The following LINGO2 variants were observed in gnomAD, a reference collection of about 807,000 sequenced individuals.
LINGO2 encodes the protein leucine-rich repeat and immunoglobulin-like domain-containing nogo receptor-interacting protein 2.
LINGO2 carries 14 observed loss-of-function variants against 30.6 expected under a neutral mutation model. The observed-to-expected ratio is 0.46, with a 90% CI of 0.30 to 0.72. LINGO2 has a LOEUF of 0.72. Among genes scored for constraint, LINGO2 ranks in the 30% least tolerant of loss-of-function variants. LINGO2 has a pLI of 0.07. For synonymous variants in LINGO2, 317 were observed against 288.5 expected (o/e 1.10, Z -1.00); for missense variants, 729 against 751.7 (o/e 0.97, Z 0.35).
At chr9:28,379,497 T>C (rs1439812657) in intron 2 of LINGO2, among the ~76,000 whole-genome samples, 1 of 152,128 alleles carries the variant, frequency 6.6e-6, no homozygotes, top group East Asian at 1.9e-4. Flanking sequence ...CAATTTTACT[T>C]GAGTTACAAG....
At chr9:28,438,999 C>T (rs1296107058) in intron 2 of LINGO2, among the ~76,000 whole-genome samples, 1 of 145,190 alleles carries the variant, frequency 6.9e-6, no homozygotes, top group East Asian at 2.0e-4. Context: ...AATATCTATA[C>T]ATTATATATA....
the LINGO2 span, among the ~76,000 whole-genome samples, chr9:29,202,773 T>C: frequency 1.3e-5 from 2 of 152,044 alleles, no homozygotes; most frequent in Admixed American, 6.6e-5. Context: ...AGTTTTAATC[T>C]CCTAATCTCT....
At chr9:28,863,351 G>A in the LINGO2 span, among the ~76,000 whole-genome samples, 1 of 151,896 alleles carries the variant, frequency 6.6e-6, no homozygotes, top group East Asian at 1.9e-4. Flanking sequence ...TTTTAACCAA[G>A]AAATATTACA....
chr9:28,310,299 A>C (rs1408195747), intron 3 of LINGO2, among the ~76,000 whole-genome samples: 1 of 152,140 alleles, frequency 6.6e-6, no homozygotes, highest in Non-Finnish European at 1.5e-5. Context: ...ACATCCACCA[A>C]CATGTGAGTG....
the LINGO2 span, among the ~76,000 whole-genome samples, chr9:28,792,503 C>A: frequency 7.9e-5 from 12 of 151,738 alleles, no homozygotes; most frequent in Admixed American, 7.9e-4. Context: ...TGTATGCATG[C>A]GAAAGAGAAT....
chr9:28,821,696 A>T, the LINGO2 span, among the ~76,000 whole-genome samples: 1 of 152,230 alleles, frequency 6.6e-6, no homozygotes, highest in Admixed American at 6.5e-5. Context: ...CCCATACCAC[A>T]GAGTAAAGAA....
At chr9:28,473,186 T>A (rs1181714157) in intron 2 of LINGO2, among the ~76,000 whole-genome samples, 1 of 127,690 alleles carries the variant, frequency 7.8e-6, no homozygotes, top group Non-Finnish European at 1.7e-5. Flanking sequence ...CCATTAGCCC[T>A]TGGTTCTACT....
chr9:28,889,553 A>G, the LINGO2 span, among the ~76,000 whole-genome samples: 2 of 152,102 alleles, frequency 1.3e-5, no homozygotes, highest in Admixed American at 1.3e-4. Context: ...TTATACATAA[A>G]TATAATGTTA....
chr9:28,067,695 A>C lies in LINGO2; in HGVS notation c.-86-55290T>G, dbSNP rs557161157. On this transcript the variant is annotated intron_variant, in intron 4 of 5. Transcript: ENST00000379992. ...ATCTTGGGTAAGGAAGTTAGTTTTC[A>C]GAAGCAAAGGATGTAACACAACCCA... is the stretch of plus-strand genomic sequence containing the variant. 3.9e-5 allele frequency among the ~76,000 whole-genome samples: 6 copies of C among 152,322 alleles called. No homozygotes were observed. The East Asian group carries it at 1.2e-3, about 29-fold the overall frequency.
the LINGO2 span, among the ~76,000 whole-genome samples, chr9:29,037,034 T>C: frequency 3.9e-5 from 6 of 152,046 alleles, no homozygotes; most frequent in South Asian, 1.2e-3. Context: ...TTCTCCTTTA[T>C]TTATAATTTC....
At chr9:28,417,604 G>A (rs183618668) in intron 2 of LINGO2, among the ~76,000 whole-genome samples, 23 of 152,040 alleles carry the variant, frequency 1.5e-4, no homozygotes, top group African/African-American at 5.6e-4. Context: ...TTCACTTTAC[G>A]TGATGAACTC....
chr9:28,076,204 T>C (rs1825618429), intron 4 of LINGO2, among the ~76,000 whole-genome samples: 1 of 152,148 alleles, frequency 6.6e-6, no homozygotes, highest in South Asian at 2.1e-4. Context: ...CTAAATACTA[T>C]CTTAGAACTG....
chr9:28,240,843 GT>G, intron 4 of LINGO2, among the ~76,000 whole-genome samples: 1 of 152,108 alleles, frequency 6.6e-6, no homozygotes, highest in East Asian at 1.9e-4. Context: ...TAAGTTTTAA[GT>G]TTAAAAAGCA....
chr9:28,480,853 A>T (rs1204947167), intron 1 of LINGO2, among the ~76,000 whole-genome samples: 1 of 152,098 alleles, frequency 6.6e-6, no homozygotes, highest in Non-Finnish European at 1.5e-5. Flanking sequence ...TTCCTGAAGA[A>T]ACAAAAGGCA....
the LINGO2 span, among the ~76,000 whole-genome samples, chr9:29,072,331 G>A: frequency 3.3e-5 from 5 of 151,860 alleles, no homozygotes; most frequent in East Asian, 1.9e-4. Flanking sequence ...TAAATAGAAC[G>A]ACAGCGAATG....
In LINGO2 at chr9:27,999,377, C is replaced by T. The variant is rs7047418; in HGVS notation, c.-36+12978G>A. ...GTGCAGGTGTAACTTGCCAGCTGGCCGACGAACTGCAGATTTGACTTCATA... is the reference window on the plus strand; with the variant it reads ...GTGCAGGTGTAACTTGCCAGCTGGCTGACGAACTGCAGATTTGACTTCATA... On this transcript the variant is annotated intron_variant, in intron 5 of 5. Transcript: ENST00000379992. 9.3e-3 allele frequency among the ~76,000 whole-genome samples: 1,404 copies of T among 150,946 alleles called. 19 individuals carry two copies. Among genetic ancestry groups the T allele is most frequent in the African/African-American group, 0.033 (1,339 of 41,058 alleles).
At chr9:28,824,584 A>C in the LINGO2 span, among the ~76,000 whole-genome samples, 1 of 152,204 alleles carries the variant, frequency 6.6e-6, no homozygotes, top group East Asian at 1.9e-4. Context: ...TGCCTGGAGT[A>C]ATATGCAGAA....
intron 3 of LINGO2, among the ~76,000 whole-genome samples, chr9:28,326,709 G>A (rs1176158687): frequency 1.3e-5 from 2 of 152,104 alleles, no homozygotes; most frequent in East Asian, 1.9e-4. Context: ...TCAAATAAAC[G>A]ACTGAATAAA....
chr9:28,277,794 A>C (rs1823172446), intron 4 of LINGO2, among the ~76,000 whole-genome samples: 1 of 151,504 alleles, frequency 6.6e-6, no homozygotes, highest in Admixed American at 6.6e-5. Context: ...CAGCCTGGGC[A>C]ATAAGAGTGA....
Sources: allele counts gnomAD v4.1 joint callset (sites outside exome capture counted in the v4.1 genomes callset), GRCh38; gene constraint gnomAD v4.1.1; transcripts MANE v1.5; gene names NCBI Gene and HGNC (gene_info 2026-07-23, HGNC 2026-07-21).